The following EBF2 variants were observed in gnomAD, a reference collection of about 807,000 sequenced individuals.
The protein encoded by EBF2 is transcription factor COE2.
Under a neutral mutation model 72.8 loss-of-function variants are expected in EBF2, and 21 were observed. The ratio of observed to expected loss-of-function variants is 0.29; its 90% CI spans 0.20 to 0.42. The LOEUF is 0.42. Ranked by LOEUF, EBF2 falls within the 10% of genes least tolerant of loss-of-function variation. The pLI is 1.00. For synonymous variants in EBF2, 299 were observed against 274.2 expected (o/e 1.09, Z -0.89); for missense variants, 637 against 731.2 (o/e 0.87, Z 1.49).
At chr8:25,986,180 A>T (rs965966284) in intron 6 of EBF2, among the ~76,000 whole-genome samples, 1 of 152,036 alleles carries the variant, frequency 6.6e-6, no homozygotes, top group East Asian at 1.9e-4. Flanking sequence ...TATGGTTCAG[A>T]TAACAGTTGT....
chr8:25,873,154 A>C lies in EBF2; in HGVS notation c.1010-10357T>G, dbSNP rs942674592. Among the ~76,000 whole-genome samples the C allele has an allele frequency of 2.6e-5, 4 of 152,190 alleles. No individual in the cohort carries two copies. The South Asian group carries it at 6.2e-4, about 24-fold the overall frequency. ...ACTTAAATGCTAAGTTTTTCATTGC[A>C]TATGATGGTGTGATGGGATAAAGCT... On this transcript the variant is annotated intron_variant, in intron 10 of 15. Coordinates refer to ENST00000520164, the MANE Select transcript of EBF2 (RefSeq NM_022659.4).
chr8:25,910,849 GA>G (rs1222705451), intron 6 of EBF2, among the ~76,000 whole-genome samples: 1 of 152,080 alleles, frequency 6.6e-6, no homozygotes, highest in Non-Finnish European at 1.5e-5. Flanking sequence ...AGAAGACAGA[GA>G]CAGAAAGTTC....
intron 6 of EBF2, among the ~76,000 whole-genome samples, chr8:25,949,893 C>T (rs1003986977): frequency 6.6e-6 from 1 of 152,146 alleles, no homozygotes; most frequent in African/African-American, 2.4e-5. Context: ...CACAGGATGA[C>T]AGTTTTGGTG....
intron 6 of EBF2, among the ~76,000 whole-genome samples, chr8:25,924,456 C>T (rs141218057): frequency 1.3e-5 from 2 of 152,080 alleles, no homozygotes; most frequent in African/African-American, 4.8e-5. Context: ...AAGGAGGGCG[C>T]GATGGATGGT....
At chr8:25,925,279 C>T (rs910904729) in intron 6 of EBF2, among the ~76,000 whole-genome samples, 1 of 151,882 alleles carries the variant, frequency 6.6e-6, no homozygotes, top group African/African-American at 2.4e-5. Context: ...CCTAAATAGT[C>T]CTGAGAACTT....
At chr8:26,025,601 G>A (rs929239613) in intron 6 of EBF2, among the ~76,000 whole-genome samples, 4 of 152,126 alleles carry the variant, frequency 2.6e-5, no homozygotes, top group Non-Finnish European at 2.9e-5. Flanking sequence ...TCATGAGGAG[G>A]AGAGTCATTT....
chr8:25,882,338 T>C (rs1463621261), intron 10 of EBF2, among the ~76,000 whole-genome samples: 1 of 152,042 alleles, frequency 6.6e-6, no homozygotes, highest in African/African-American at 2.4e-5. Context: ...ATAATAAGAA[T>C]AATATAAATA....
At chr8:25,920,919 G>C (rs926033629) in intron 6 of EBF2, among the ~76,000 whole-genome samples, 1 of 152,038 alleles carries the variant, frequency 6.6e-6, no homozygotes, top group African/African-American at 2.4e-5. Context: ...AAAAGTTGGT[G>C]GGGGTGGGGA....
In EBF2 at chr8:25,977,972, AT is replaced by A. The variant is rs1294803177; in HGVS notation, c.551+55112del. The stretch of plus-strand genomic sequence containing the variant: ...TTGGTTTGACTTGAGCTTTACTGCA[AT>A]TTTTTTTTCTTGACCCTATCCCGTT... On this transcript the variant is annotated intron_variant, in intron 6 of 15. Transcript: ENST00000520164. Among the ~76,000 whole-genome samples the A allele has an allele frequency of 2.6e-5, 4 of 151,496 alleles. No individual in the cohort carries two copies. In the East Asian group the frequency reaches 7.8e-4, roughly 29 times the overall value.
intron 6 of EBF2, among the ~76,000 whole-genome samples, chr8:26,021,851 C>T (rs1351328445): frequency 6.6e-6 from 1 of 152,120 alleles, no homozygotes; most frequent in Admixed American, 6.5e-5. Flanking sequence ...GTGCTGATGC[C>T]AAATTTTACT....
At chr8:25,902,567 ATGCC>A (rs920591046) in intron 7 of EBF2, among the ~76,000 whole-genome samples, 3 of 152,134 alleles carry the variant, frequency 2.0e-5, no homozygotes, top group Admixed American at 1.3e-4. Flanking sequence ...AATCTACAGA[ATGCC>A]TGCCATTATG....
chr8:26,024,836 A>G (rs1037957066), intron 6 of EBF2, among the ~76,000 whole-genome samples: 1 of 152,192 alleles, frequency 6.6e-6, no homozygotes, highest in Non-Finnish European at 1.5e-5. Flanking sequence ...ACTTAAGGGG[A>G]GAGGTATTAT....
chr8:25,924,405 C>T (rs1038501772), intron 6 of EBF2, among the ~76,000 whole-genome samples: 1 of 152,192 alleles, frequency 6.6e-6, no homozygotes, highest in African/African-American at 2.4e-5. Flanking sequence ...TGACCCTCCA[C>T]CCACAGGGTT....
Position 26,009,607 on chromosome 8 carries a change from A to G in EBF2, c.551+23478T>C, listed in dbSNP as rs377112914. On this transcript the variant is annotated intron_variant, in intron 6 of 15. Transcript: ENST00000520164. Reference sequence around the variant, plus strand: ...TTCCAGCCACGATTCTCTAAGAAATACCGCCCGCAAATTAAAAGTATCCGA... The same window carrying G: ...TTCCAGCCACGATTCTCTAAGAAATGCCGCCCGCAAATTAAAAGTATCCGA... Among the ~76,000 whole-genome samples the G allele has an allele frequency of 3.2e-4, 48 of 152,214 alleles. 1 individual carries two copies. The highest frequency in any genetic ancestry group is 1.9e-3 in the East Asian group (10 of 5,202).
rs190605845 is a variant in EBF2 at position 25,875,878 on chromosome 8, A to G, written c.1009+10877T>C. 8.0e-4 allele frequency among the ~76,000 whole-genome samples: 122 copies of G among 152,330 alleles called. 2 individuals carry two copies. Among genetic ancestry groups the G allele is most frequent in the African/African-American group, 2.9e-3 (119 of 41,564 alleles). On this transcript the variant is annotated intron_variant, in intron 10 of 15. Coordinates refer to ENST00000520164, the MANE Select transcript of EBF2 (RefSeq NM_022659.4). ...TGATTCTTCAAGGATCTAGAACCAG[A>G]ACTGCCATTTGACTTAGGAATTCCA...
At chr8:25,950,428 T>C (rs1803842196) in intron 6 of EBF2, among the ~76,000 whole-genome samples, 1 of 152,244 alleles carries the variant, frequency 6.6e-6, no homozygotes, top group Non-Finnish European at 1.5e-5. Context: ...AGAACGCATC[T>C]GCAATGCAGG....
chr8:25,942,486 T>C (rs891030433), intron 6 of EBF2, among the ~76,000 whole-genome samples: 3 of 152,206 alleles, frequency 2.0e-5, no homozygotes, highest in Non-Finnish European at 4.4e-5. Context: ...CATTAGTAAA[T>C]GGACACAATG....
chr8:26,007,813 TACACAC>T (rs762824229), intron 6 of EBF2, among the ~76,000 whole-genome samples: 361 of 149,514 alleles, frequency 2.4e-3, no homozygotes, highest in Non-Finnish European at 4.2e-3. Context: ...CACACACACA[TACACAC>T]ACACACACTA....
In EBF2 at chr8:25,915,357, G is replaced by A. The variant is rs142008892; in HGVS notation, c.552-6802C>T. ...ACAACTGCCTTACTGATCCACATGG[G>A]GGATCCTGTCATTGTCTTCCTCTTC... On this transcript the variant is annotated intron_variant, in intron 6 of 15. Transcript: ENST00000520164. 6.8e-3 allele frequency among the ~76,000 whole-genome samples: 1,028 copies of A among 152,032 alleles called. 29 individuals carry two copies. Among genetic ancestry groups the A allele is most frequent in the Admixed American group, 0.04 (616 of 15,266 alleles).
Sources: gnomAD v4.1 joint callset for allele counts (sites outside exome capture counted in the v4.1 genomes callset) on GRCh38, gnomAD v4.1.1 for gene constraint, MANE v1.5 for transcripts, NCBI Gene and HGNC (gene_info 2026-07-23, HGNC 2026-07-21) for gene names.